The following CLDN14 variants were observed in gnomAD, a reference collection of about 807,000 sequenced individuals.
CLDN14 encodes claudin 14.
In CLDN14, 2 loss-of-function variants were observed where a neutral mutation model predicts 2.1. The observed-to-expected ratio is 0.96, with a 90% CI of 0.39 to 3.01. CLDN14 has a LOEUF of 3.01. Among genes scored for constraint, CLDN14 ranks in the 30% most tolerant of loss-of-function variants. The pLI, the probability that CLDN14 is intolerant of heterozygous loss-of-function variation, is 0.09. For synonymous variants in CLDN14, 136 were observed against 154.4 expected (o/e 0.88, Z 0.88); for missense variants, 298 against 328.0 (o/e 0.91, Z 0.71).
chr21:36,479,097 C>T (rs763812305), intron 1 of CLDN14, among the ~76,000 whole-genome samples: 3 of 152,140 alleles, frequency 2.0e-5, no homozygotes, highest in Admixed American at 6.5e-5. Flanking sequence ...TGCAGAAAAA[C>T]GAGGGAGTCC....
chr21:36,525,167 G>A lies in CLDN14; in HGVS notation c.-219-14667C>T, dbSNP rs1056952881. ...CTGATGTCCTACCCAGCCCAGCCCTGTGACCTCGAGAGAAGGATAAGACGG... is the reference window on the plus strand; with the variant it reads ...CTGATGTCCTACCCAGCCCAGCCCTATGACCTCGAGAGAAGGATAAGACGG... On this transcript the variant is annotated intron_variant, in intron 1 of 2. Coordinates refer to the CLDN14 transcript ENST00000342108. 2.0e-5 allele frequency among the ~76,000 whole-genome samples: 3 copies of A among 152,148 alleles called. No individual in the cohort carries two copies. In the South Asian group the frequency reaches 6.2e-4, roughly 32 times the overall value.
intron 1 of CLDN14, among the ~76,000 whole-genome samples, chr21:36,514,463 T>C (rs1331717591): frequency 6.6e-6 from 1 of 152,212 alleles, no homozygotes; most frequent in African/African-American, 2.4e-5. Flanking sequence ...GAAGCAATGA[T>C]GGTTTCAATT....
chr21:36,483,508 C>T (rs1339958408), upstream of CLDN14, among the ~76,000 whole-genome samples: 1 of 152,188 alleles, frequency 6.6e-6, no homozygotes, highest in Non-Finnish European at 1.5e-5. Context: ...ACGTGAGGTC[C>T]AGAGAGAGAA....
At chr21:36,516,376 G>T (rs2087229094) in intron 1 of CLDN14, among the ~76,000 whole-genome samples, 1 of 151,674 alleles carries the variant, frequency 6.6e-6, no homozygotes, top group South Asian at 2.1e-4. Context: ...CCTGACTTTT[G>T]TTATGAATAA....
rs749437237 is a variant in CLDN14, at chr21:36,499,077, C to T, written c.-82+11286G>A. Among the ~76,000 whole-genome samples, 20 of 152,122 alleles carry T rather than the reference C, an allele frequency of 1.3e-4. No homozygotes were observed. The highest frequency in any genetic ancestry group is 2.5e-4 in the Non-Finnish European group (17 of 68,026). Reference sequence around the variant, plus strand: ...CAGAAGGGTAACCTTTCTGGGGTTGCATCTTAGGAAATTTCATTGAAGGAG... The same window carrying T: ...CAGAAGGGTAACCTTTCTGGGGTTGTATCTTAGGAAATTTCATTGAAGGAG... On this transcript the variant is annotated intron_variant, in intron 2 of 2. Coordinates refer to the CLDN14 transcript ENST00000342108. The surrounding 1 kb of genome is among the most constrained non-coding windows in gnomAD (Gnocchi z 4.7).
intron 2 of CLDN14, among the ~76,000 whole-genome samples, chr21:36,500,944 G>C (rs933344297): frequency 2.6e-5 from 4 of 152,204 alleles, no homozygotes; most frequent in Admixed American, 2.6e-4. Flanking sequence ...CTCTACGCAG[G>C]GGGTATGATT....
chr21:36,481,487 A>C (rs1601602217), upstream of CLDN14, among the ~76,000 whole-genome samples: 1 of 152,232 alleles, frequency 6.6e-6, no homozygotes, highest in East Asian at 1.9e-4. Context: ...CATTTAGTTT[A>C]CAACTGGCTT....
At position 36,461,683 on chromosome 21, in the gene CLDN14, C is replaced by A; in HGVS notation, c.13G>T (p.Ala5Ser). The change falls in exon 2 of 2, where the codon GCC becomes TCC. Residue 5 changes from alanine (A) to serine (S), a missense_variant. Transcript: ENST00000399135. ...AGCAGGAAGCCCAGAAGCTGCACGG[C>A]CGTGCTGGCCATGGTGCGGCTGCCT... Reference protein sequence around the residue: MASTAVQLLGFLLSF... With the variant: MASTSVQLLGFLLSF... 6.4e-7 allele frequency: 1 copy of A among 1,552,112 alleles called. No homozygotes were observed. The highest frequency in any genetic ancestry group is 1.2e-5 in the South Asian group (1 of 84,340).
Position 36,544,497 on chromosome 21 carries a change from A to T in CLDN14, c.-220+31914T>A, listed in dbSNP as rs1277118512. On this transcript the variant is annotated intron_variant, in intron 1 of 2. Coordinates refer to the CLDN14 transcript ENST00000342108. The surrounding 1 kb of genome is among the most constrained non-coding windows in gnomAD (Gnocchi z 4.1). ...TGACTGTTTGCATAGGAGGGGATGG[A>T]GTTGGGATTTAGGAAGGAGAGGCAA... Among the ~76,000 whole-genome samples the T allele has an allele frequency of 6.6e-6, 1 of 152,122 alleles. No homozygotes were observed. Among genetic ancestry groups the T allele is most frequent in the African/African-American group, 2.4e-5 (1 of 41,424 alleles).
At chr21:36,500,054 G>C (rs186097791) in intron 2 of CLDN14, among the ~76,000 whole-genome samples, 5 of 152,208 alleles carry the variant, frequency 3.3e-5, no homozygotes, top group African/African-American at 1.2e-4. Flanking sequence ...GAAACACCCT[G>C]GGGCAACTCA....
chr21:36,474,958 A>G (rs1000908323), intron 1 of CLDN14, among the ~76,000 whole-genome samples: 1 of 152,322 alleles, frequency 6.6e-6, no homozygotes, highest in South Asian at 2.1e-4. Flanking sequence ...AAGAAGCAAC[A>G]TGATGTCTTG....
At chr21:36,537,338 G>A (rs1008169115) in intron 1 of CLDN14, among the ~76,000 whole-genome samples, 1 of 152,180 alleles carries the variant, frequency 6.6e-6, no homozygotes, top group African/African-American at 2.4e-5. Context: ...CTGGGAGACT[G>A]TTCTAGATTG....
chr21:36,488,809 G>A (rs1018253609), intron 2 of CLDN14, among the ~76,000 whole-genome samples: 8 of 151,858 alleles, frequency 5.3e-5, no homozygotes, highest in South Asian at 2.1e-4. Context: ...CACATTTTAC[G>A]TTATGTGTGT....
intron 1 of CLDN14, among the ~76,000 whole-genome samples, chr21:36,513,127 G>GTCCCA (rs1400721729): frequency 1.3e-5 from 2 of 152,136 alleles, no homozygotes; most frequent in South Asian, 2.1e-4. Context: ...AATCATGGTG[G>GTCCCA]TCCCATCCCA....
intron 1 of CLDN14, among the ~76,000 whole-genome samples, chr21:36,567,398 C>T (rs11700928): frequency 0.088 from 13,367 of 152,226 alleles, 1,219 homozygotes; most frequent in African/African-American, 0.23. Context: ...GGGAGCCAAC[C>T]GCAGATTAAT....
intron 1 of CLDN14, among the ~76,000 whole-genome samples, chr21:36,472,278 T>A (rs997422259): frequency 6.6e-6 from 1 of 152,162 alleles, no homozygotes; most frequent in African/African-American, 2.4e-5. Context: ...TCAGTTTCTA[T>A]ATTCAGGTGA....
intron 2 of CLDN14, among the ~76,000 whole-genome samples, chr21:36,490,442 G>A (rs2086949755): frequency 7.5e-6 from 1 of 133,276 alleles, no homozygotes. Flanking sequence ...AGGCTGGACT[G>A]CAGTGGCGTG....
At chr21:36,549,087 T>C (rs2087545446) in intron 1 of CLDN14, among the ~76,000 whole-genome samples, 1 of 152,028 alleles carries the variant, frequency 6.6e-6, no homozygotes. Context: ...CCCAACAACC[T>C]TCTACAGAAT....
At chr21:36,516,285 A>G (rs372388261) in intron 1 of CLDN14, among the ~76,000 whole-genome samples, 2 of 152,338 alleles carry the variant, frequency 1.3e-5, no homozygotes, top group South Asian at 2.1e-4. Flanking sequence ...TATCACAGCC[A>G]AAAGAGCCAG....
Sources: allele counts gnomAD v4.1 joint callset (sites outside exome capture counted in the v4.1 genomes callset), GRCh38; gene constraint gnomAD v4.1.1; non-coding constraint Gnocchi (gnomAD v3.1); transcripts MANE v1.5; gene names NCBI Gene and HGNC (gene_info 2026-07-23, HGNC 2026-07-21).